Variants in CNBD1 observed in about 807,000 individuals in gnomAD.
The protein encoded by CNBD1 is cyclic nucleotide binding domain containing 1.
Under a neutral mutation model 54.4 loss-of-function variants are expected in CNBD1, and 71 were observed. The ratio of observed to expected loss-of-function variants is 1.30; its 90% CI spans 1.08 to 1.59. CNBD1 has a LOEUF of 1.59. Among genes scored for constraint, CNBD1 ranks in the 40% most tolerant of loss-of-function variants. CNBD1 has a pLI of 0.00. For synonymous variants in CNBD1, 182 were observed against 170.7 expected (o/e 1.07, Z -0.51); for missense variants, 659 against 518.0 (o/e 1.27, Z -2.64).
At chr8:86,970,536 G>A (rs1808196149) in intron 4 of CNBD1, among the ~76,000 whole-genome samples, 3 of 152,006 alleles carry the variant, frequency 2.0e-5, no homozygotes, top group African/African-American at 7.2e-5. Context: ...GAAGTTTCAG[G>A]TATGAATGAT....
At chr8:86,872,350 G>T (rs1244798915) in intron 1 of CNBD1, among the ~76,000 whole-genome samples, 2 of 152,014 alleles carry the variant, frequency 1.3e-5, no homozygotes, top group African/African-American at 4.8e-5. Flanking sequence ...CCAGTATGAA[G>T]AAATTATATA....
At chr8:87,306,023 A>G (rs189394080) in intron 8 of CNBD1, among the ~76,000 whole-genome samples, 2 of 152,324 alleles carry the variant, frequency 1.3e-5, no homozygotes, top group East Asian at 3.9e-4. Flanking sequence ...AAGGACTAAT[A>G]TCCAGAATCT....
At chr8:87,396,131 T>C (rs1239089154) in intron 2 of CNBD1, among the ~76,000 whole-genome samples, 3 of 151,912 alleles carry the variant, frequency 2.0e-5, no homozygotes, top group African/African-American at 7.2e-5. Context: ...AATGACTATG[T>C]ATAGAAGAGG....
In CNBD1 at chr8:87,350,276, T is replaced by A. The variant is rs190771722; in HGVS notation, c.1043-1409T>A. ...GCTGTAAAAAAAGACAACAGAAGAG[T>A]TACCATAAATTTTTATTTAAACAAA... On this transcript the variant is annotated intron_variant, in intron 8 of 10. Transcript: ENST00000518476. 3.7e-3 allele frequency among the ~76,000 whole-genome samples: 563 copies of A among 152,036 alleles called. 1 individual carries two copies. The highest frequency in any genetic ancestry group is 0.012 in the South Asian group (58 of 4,806).
At chr8:86,985,917 G>T (rs906512471) in intron 4 of CNBD1, among the ~76,000 whole-genome samples, 5 of 151,854 alleles carry the variant, frequency 3.3e-5, no homozygotes, top group African/African-American at 1.2e-4. Context: ...TCACCTCATT[G>T]TTTTTTTGTT....
intron 7 of CNBD1, among the ~76,000 whole-genome samples, chr8:87,286,211 T>A (rs1808695935): frequency 6.6e-6 from 1 of 152,346 alleles, no homozygotes; most frequent in Admixed American, 6.5e-5. Context: ...TTCCCAAATA[T>A]CAGTACCAGT....
intron 6 of CNBD1, among the ~76,000 whole-genome samples, chr8:87,252,338 A>G (rs569612798): frequency 3.3e-4 from 51 of 152,296 alleles, no homozygotes; most frequent in Non-Finnish European, 6.2e-4. Context: ...ATATTTTCCT[A>G]TTGCAGTGAG....
intron 6 of CNBD1, among the ~76,000 whole-genome samples, chr8:87,263,275 A>G (rs965472860): frequency 6.6e-6 from 1 of 152,200 alleles, no homozygotes; most frequent in Non-Finnish European, 1.5e-5. Context: ...GCATATTTGT[A>G]TATAATAATA....
intron 2 of CNBD1, among the ~76,000 whole-genome samples, chr8:87,421,020 G>A (rs904768202): frequency 4.0e-5 from 6 of 151,810 alleles, no homozygotes; most frequent in Non-Finnish European, 8.8e-5. Flanking sequence ...CAAAATTCTG[G>A]ATAACAAAAT....
rs141440790 is a variant in CNBD1, at chr8:86,967,943, G to A, written c.431+28189G>A. On this transcript the variant is annotated intron_variant, in intron 4 of 10. Coordinates refer to ENST00000518476, the MANE Select transcript of CNBD1 (RefSeq NM_173538.3). ...ATAGGCCTTTGATAATAGCGGTAAG[G>A]TGTAGGGAGAAAGAAAGTGTTTTAT... 2.6e-5 allele frequency among the ~76,000 whole-genome samples: 4 copies of A among 152,236 alleles called. No individual in the cohort carries two copies. The East Asian group carries it at 7.7e-4, about 29-fold the overall frequency.
intron 6 of CNBD1, among the ~76,000 whole-genome samples, chr8:87,275,131 G>A (rs549276217): frequency 9.4e-5 from 13 of 138,120 alleles, no homozygotes; most frequent in Admixed American, 4.9e-4. Flanking sequence ...CCATTGATCT[G>A]TATGTCTGTT....
At chr8:87,403,082 A>G (rs1228265379) in intron 2 of CNBD1, among the ~76,000 whole-genome samples, 1 of 152,072 alleles carries the variant, frequency 6.6e-6, no homozygotes, top group African/African-American at 2.4e-5. Flanking sequence ...AGGTTTCCTC[A>G]TAAAGATGCT....
At chr8:86,993,779 G>A (rs1341493346) in intron 4 of CNBD1, among the ~76,000 whole-genome samples, 1 of 152,200 alleles carries the variant, frequency 6.6e-6, no homozygotes, top group African/African-American at 2.4e-5. Flanking sequence ...TTTTAGAGTA[G>A]TGACCAGCAG....
intron 4 of CNBD1, among the ~76,000 whole-genome samples, chr8:87,019,755 G>A (rs924692122): frequency 4.6e-4 from 70 of 152,190 alleles, no homozygotes; most frequent in Non-Finnish European, 9.9e-4. Flanking sequence ...GCAGGCACCT[G>A]TAATCCCAGC....
At chr8:87,373,118 T>C (rs903942079) in intron 10 of CNBD1, among the ~76,000 whole-genome samples, 1 of 151,822 alleles carries the variant, frequency 6.6e-6, no homozygotes, top group Non-Finnish European at 1.5e-5. Context: ...AGGCATAGTT[T>C]ACATATTTTT....
At chr8:87,327,129 C>T (rs1422420925) in intron 8 of CNBD1, among the ~76,000 whole-genome samples, 1 of 143,742 alleles carries the variant, frequency 7.0e-6, no homozygotes, top group Non-Finnish European at 1.5e-5. Flanking sequence ...GGTCAGGGGT[C>T]AGGGACCCAC....
chr8:87,421,290 A>T (rs573420453), intron 2 of CNBD1, among the ~76,000 whole-genome samples: 2 of 149,482 alleles, frequency 1.3e-5, no homozygotes, highest in Non-Finnish European at 3.0e-5. Context: ...TTTTTATATT[A>T]TACTTTAAGT....
At chr8:87,210,757 A>T (rs1332670231) in intron 5 of CNBD1, among the ~76,000 whole-genome samples, 2 of 152,188 alleles carry the variant, frequency 1.3e-5, no homozygotes, top group African/African-American at 4.8e-5. Flanking sequence ...GAGAAAACCT[A>T]GATGCCCAGG....
At chr8:87,087,723 C>T (rs911059163) in intron 4 of CNBD1, among the ~76,000 whole-genome samples, 6 of 152,104 alleles carry the variant, frequency 3.9e-5, no homozygotes, top group South Asian at 2.1e-4. Context: ...GCCTCGGCCT[C>T]CCAAAGTGCT....
Sources: gnomAD v4.1 joint callset for allele counts (sites outside exome capture counted in the v4.1 genomes callset) on GRCh38, gnomAD v4.1.1 for gene constraint, MANE v1.5 for transcripts, NCBI Gene and HGNC (gene_info 2026-07-23, HGNC 2026-07-21) for gene names.